Variants in BPTF observed in about 807,000 individuals in gnomAD.
BPTF encodes the protein nucleosome-remodeling factor subunit BPTF.
A neutral mutation model predicts 292.5 loss-of-function variants in BPTF; 18 were observed. The observed-to-expected ratio is 0.06, with a 90% CI of 0.04 to 0.09. The LOEUF (loss-of-function observed/expected upper bound fraction) is 0.09, where lower values mean the gene tolerates loss of function less well. Among genes scored for constraint, BPTF ranks in the 10% least tolerant of loss-of-function variants. The pLI, the probability that BPTF is intolerant of heterozygous loss-of-function variation, is 1.00. For synonymous variants in BPTF, 1,225 were observed against 1,251.9 expected, an observed-to-expected ratio of 0.98 and a Z score of 0.45; for missense variants, 2,726 against 3,498.7, an observed-to-expected ratio of 0.78 and a Z score of 5.57.
intron 1 of BPTF, among the ~76,000 whole-genome samples, chr17:67,833,386 G>T (rs1008270491): frequency 6.6e-5 from 10 of 151,950 alleles, no homozygotes; most frequent in African/African-American, 2.4e-4. Flanking sequence ...TGTGTCCAGA[G>T]ACCATGTTTT....
intron 23 of BPTF, among the ~76,000 whole-genome samples, chr17:67,949,738 C>CT (rs1282766089): frequency 6.6e-6 from 1 of 151,130 alleles, no homozygotes; most frequent in Non-Finnish European, 1.5e-5. Flanking sequence ...AATTACACAG[C>CT]TTTTTTAAAG....
intron 4 of BPTF, among the ~76,000 whole-genome samples, chr17:67,886,735 T>C (rs2060779773): frequency 6.6e-6 from 1 of 152,224 alleles, no homozygotes; most frequent in Non-Finnish European, 1.5e-5. Context: ...AACAGGATCA[T>C]TCTGCATGTA....
At chr17:67,961,286 T>A (rs1555683875) in intron 24 of BPTF, among the ~76,000 whole-genome samples, 2 of 152,198 alleles carry the variant, frequency 1.3e-5, no homozygotes, top group Non-Finnish European at 2.9e-5. Flanking sequence ...TTTTATATTT[T>A]TCATTTTGTC....
rs1226299638 is a variant in BPTF, at chr17:67,826,250, C to T, written c.526C>T (p.Pro176Ser). The T allele has an allele frequency of 6.2e-7, 1 of 1,613,504 alleles. No homozygotes were observed. The change falls in exon 1 of 28, where the codon CCG (proline) becomes TCG (serine). Residue 176 changes from proline (P) to serine (S), a missense_variant. Transcript: ENST00000306378. ...AGAGGACGACGATGACTCCGATTATCCGGAGGAGATGGAAGACGACGACGA... is the reference window on the plus strand; with the variant it reads ...AGAGGACGACGATGACTCCGATTATTCGGAGGAGATGGAAGACGACGACGA... ...MEEDDDDSDY[P>S]EEMEDDDDDA...
At chr17:67,953,574 A>AG (rs2066599845) in intron 23 of BPTF, among the ~76,000 whole-genome samples, 3 of 56,176 alleles carry the variant, frequency 5.3e-5, no homozygotes, top group African/African-American at 1.2e-4. Context: ...ATTGTTCTAT[A>AG]ATTTTTTTTT....
chr17:67,945,335 T>C, intron 20 of BPTF, 74 bp from the exon 21 acceptor site: 1 of 1,538,494 alleles, frequency 6.5e-7, no homozygotes, highest in Non-Finnish European at 8.7e-7. Context: ...TTCAGAAGAT[T>C]TCCTTCAGAT....
chr17:67,878,300 G>A (rs1342631093), intron 4 of BPTF, among the ~76,000 whole-genome samples: 1 of 152,000 alleles, frequency 6.6e-6, no homozygotes, highest in African/African-American at 2.4e-5. Context: ...ACATTTTGGT[G>A]GTTATTTTAA....
At chr17:67,892,692 T>C (rs142206218) in intron 5 of BPTF, among the ~76,000 whole-genome samples, 35 of 152,360 alleles carry the variant, frequency 2.3e-4, no homozygotes, top group African/African-American at 8.2e-4. Context: ...TCTTTTTGAC[T>C]CTGACCCTCA....
intron 14 of BPTF, 90 bp downstream of exon 14, chr17:67,923,080 G>A (rs2063566334): frequency 5.9e-6 from 8 of 1,350,894 alleles, no homozygotes; most frequent in Admixed American, 2.3e-5. Context: ...TTTTGAGACA[G>A]GATCTTGCTC....
At chr17:67,946,695 T>G (rs902903982) in intron 21 of BPTF, among the ~76,000 whole-genome samples, 4 of 152,246 alleles carry the variant, frequency 2.6e-5, no homozygotes, top group Non-Finnish European at 5.9e-5. Flanking sequence ...CATTCCTTAG[T>G]TTGCATGTAG....
At chr17:67,923,266 C>T (rs2063585720) in intron 14 of BPTF, among the ~76,000 whole-genome samples, 1 of 151,782 alleles carries the variant, frequency 6.6e-6, no homozygotes, top group African/African-American at 2.4e-5. Flanking sequence ...CTATGTTGTT[C>T]AGGCTGATCT....
rs760798341 is a variant in BPTF at position 67,911,224 on chromosome 17, G to T, written c.3340G>T (p.Gly1114Trp). ...ESPVITKAKEGCQSDSMRQEQ... is the reference protein window; with the variant it reads ...ESPVITKAKEWCQSDSMRQEQ... ...ACCAGTAATAACGAAAGCAAAAGAA[G>T]GGTGTCAGAGTGACTCGATGAGACA... The change falls in exon 11 of 28, where the codon GGG becomes TGG. Residue 1114 changes from glycine to tryptophan, a missense_variant. This residue lies in a region of BPTF where 713 missense variants were observed against 714.9 expected (regional missense o/e 1.00). Transcript: ENST00000306378. 7.4e-6 allele frequency: 12 copies of T among 1,613,876 alleles called. No individual in the cohort carries two copies. The South Asian group carries it at 1.3e-4, about 18-fold the overall frequency.
rs543753654 is a variant in BPTF at position 67,841,999 on chromosome 17, TA to T, written c.614-11940del. 5.4e-3 allele frequency among the ~76,000 whole-genome samples: 827 copies of T among 152,310 alleles called. 6 individuals carry two copies. Among genetic ancestry groups the T allele is most frequent in the Middle Eastern group, 0.01 (3 of 294 alleles). On this transcript the variant is annotated intron_variant, in intron 1 of 27. Transcript: ENST00000306378. ...GGAATTACAAAATATATACCTAAAC[TA>T]TCTACTTAGAGTTAGCATTTTACCT...
At chr17:67,859,328 T>G (rs2058933321) in intron 2 of BPTF, among the ~76,000 whole-genome samples, 1 of 152,128 alleles carries the variant, frequency 6.6e-6, no homozygotes, top group Non-Finnish European at 1.5e-5. Flanking sequence ...TTATTTTTTA[T>G]TTTGAAGAGG....
chr17:67,918,238 A>G (rs865805172), intron 11 of BPTF, among the ~76,000 whole-genome samples: 2 of 152,166 alleles, frequency 1.3e-5, no homozygotes, highest in African/African-American at 4.8e-5. Context: ...ATCTGACCTC[A>G]TTTTATTCTT....
In BPTF at chr17:67,913,262, T is replaced by A; in HGVS notation, c.5303+75T>A. 4 of 1,476,800 alleles carry A rather than the reference T, an allele frequency of 2.7e-6. No individual in the cohort carries two copies. The Admixed American group carries it at 6.9e-5, about 26-fold the overall frequency. The allele number at this position is 1,476,800 out of a possible 1,614,324, so 91.5% of individuals were successfully genotyped here. A position where few individuals can be genotyped will look rare whatever the true frequency, so the allele number is the denominator to read the frequency against. On this transcript the variant is annotated intron_variant, in intron 11 of 27. Transcript: ENST00000306378. ...TTATCTCACAAGAATATCTCATTTT[T>A]AAAAAATGAGATAATAGAGATAAGA...
At chr17:67,966,485 G>C in intron 25 of BPTF, 87 bp from the exon 26 acceptor site, 1 of 1,154,874 alleles carries the variant, frequency 8.7e-7, no homozygotes, top group South Asian at 1.3e-5. Flanking sequence ...ACTCACTTTT[G>C]GGTTCATTGA....
At chr17:67,885,881 CGAGTCAGT>C (rs1400420066) in intron 4 of BPTF, among the ~76,000 whole-genome samples, 1 of 151,694 alleles carries the variant, frequency 6.6e-6, no homozygotes, top group Admixed American at 6.6e-5. Flanking sequence ...TAAGGTGATA[CGAGTCAGT>C]GAGTTAGAGT....
At chr17:67,938,240 G>A (rs1397239717) in intron 18 of BPTF, among the ~76,000 whole-genome samples, 1 of 152,282 alleles carries the variant, frequency 6.6e-6, no homozygotes, top group East Asian at 1.9e-4. Context: ...ATCTGTCTCT[G>A]CTTATGATGG....
Sources: allele counts gnomAD v4.1 joint callset (sites outside exome capture counted in the v4.1 genomes callset), GRCh38; gene constraint gnomAD v4.1.1; regional missense constraint gnomAD v4.1.1; transcripts MANE v1.5; gene names NCBI Gene and HGNC (gene_info 2026-07-23, HGNC 2026-07-21).